The following DHRSX variants were observed in gnomAD, a reference collection of about 807,000 sequenced individuals.
DHRSX encodes dehydrogenase/reductase X-linked, also known as polyprenol dehydrogenase.
DHRSX carries 31 observed loss-of-function variants against 34.0 expected under a neutral mutation model. The ratio of observed to expected loss-of-function variants is 0.91; its 90% CI spans 0.69 to 1.23. DHRSX has a LOEUF of 1.23. Ranked by LOEUF, DHRSX falls within the 50% of genes most tolerant of loss-of-function variation. DHRSX has a pLI of 0.00. For synonymous variants in DHRSX, 201 were observed against 183.8 expected (o/e 1.09, Z -0.76); for missense variants, 414 against 428.1 (o/e 0.97, Z 0.29).
chrX:2,446,907 G>T (rs2044145398), intron 1 of DHRSX, among the ~76,000 whole-genome samples: 1 of 151,928 alleles, frequency 6.6e-6, no homozygotes, highest in Non-Finnish European at 1.5e-5. Context: ...TGTTAGCTAT[G>T]TATGTGGCTG....
chrX:2,427,376 GAT>G (rs776395781), intron 1 of DHRSX, among the ~76,000 whole-genome samples: 155 of 152,304 alleles, frequency 1.0e-3, no homozygotes, highest in African/African-American at 3.4e-3. Context: ...GCCAATCTGT[GAT>G]ATGTTTCACA....
chrX:2,251,894 G>A (rs1470611247), intron 5 of DHRSX, among the ~76,000 whole-genome samples: 2 of 151,988 alleles, frequency 1.3e-5, no homozygotes, highest in East Asian at 3.9e-4. Flanking sequence ...CTTTTTGGGG[G>A]TTGGGGTGGG....
At position 2,239,346 on chromosome X, in the gene DHRSX, T is replaced by C. The variant is rs141401008; in HGVS notation, c.804+3677A>G. 5.1e-3 allele frequency among the ~76,000 whole-genome samples: 779 copies of C among 151,372 alleles called. 5 individuals are homozygous for C. Among genetic ancestry groups the C allele is most frequent in the African/African-American group, 0.018 (748 of 41,224 alleles). On this transcript the variant is annotated intron_variant, in intron 6 of 6. Transcript: ENST00000334651. Reference sequence around the variant, plus strand: ...AGGATTTCAAGGTTGCAGCCAGTGATTGTGTCATAATTCCAGCGCACAAGA... The same window carrying C: ...AGGATTTCAAGGTTGCAGCCAGTGACTGTGTCATAATTCCAGCGCACAAGA...
chrX:2,499,095 C>T (rs2045350212), intron 1 of DHRSX, among the ~76,000 whole-genome samples: 1 of 152,108 alleles, frequency 6.6e-6, no homozygotes, highest in Admixed American at 6.6e-5. Context: ...TCCAGGCACG[C>T]TTCTCAAAGG....
rs368345077 is a variant in DHRSX, at chrX:2,330,558, G to A, written c.287-38955C>T. Reference sequence around the variant, plus strand: ...GAAAAGAAAAGGGAAGGGAAGGGAGGGGAGGGGAGGGAAGGGGAGGGGAAG... The same window carrying A: ...GAAAAGAAAAGGGAAGGGAAGGGAGAGGAGGGGAGGGAAGGGGAGGGGAAG... On this transcript the variant is annotated intron_variant, in intron 3 of 6. Transcript: ENST00000334651. Among the ~76,000 whole-genome samples, 47 of 146,876 alleles carry A rather than the reference G, an allele frequency of 3.2e-4. 1 individual carries two copies. The East Asian group carries it at 9.2e-3, about 29-fold the overall frequency.
intron 4 of DHRSX, among the ~76,000 whole-genome samples, chrX:2,289,122 A>ATT (rs752457468): frequency 1.4e-3 from 201 of 142,938 alleles, no homozygotes; most frequent in African/African-American, 4.6e-3. Context: ...GACATTCCTA[A>ATT]TTTTTTTTTT....
chrX:2,458,838 TA>T (rs1008450157), intron 1 of DHRSX, among the ~76,000 whole-genome samples: 2 of 150,070 alleles, frequency 1.3e-5, no homozygotes, highest in Non-Finnish European at 3.0e-5. Context: ...TCTCTAAAAA[TA>T]AAAAAAAATG....
At chrX:2,243,781 GCTCC>G (rs2016200768) in intron 5 of DHRSX, among the ~76,000 whole-genome samples, 3 of 68,592 alleles carry the variant, frequency 4.4e-5, no homozygotes, top group African/African-American at 1.2e-4. Context: ...GAGCCACTAT[GCTCC>G]CTGTTTTTTT....
intron 1 of DHRSX, among the ~76,000 whole-genome samples, chrX:2,457,692 G>T (rs2044324039): frequency 6.7e-6 from 1 of 149,138 alleles, no homozygotes; most frequent in Non-Finnish European, 1.5e-5. Context: ...TTAAAGGACT[G>T]CCGCCCTGTA....
chrX:2,483,223 T>C (rs995609720), intron 1 of DHRSX, among the ~76,000 whole-genome samples: 4 of 152,004 alleles, frequency 2.6e-5, no homozygotes, highest in Non-Finnish European at 4.4e-5. Context: ...GTAGCTGTGA[T>C]CACACATGCG....
chrX:2,449,189 CAAA>C (rs57586340), intron 1 of DHRSX, among the ~76,000 whole-genome samples: 155 of 143,734 alleles, frequency 1.1e-3, no homozygotes, highest in African/African-American at 1.6e-3. Flanking sequence ...AACTCTGTCT[CAAA>C]AAAAAAAAAA....
intron 1 of DHRSX, among the ~76,000 whole-genome samples, chrX:2,453,261 C>T (rs1458111300): frequency 6.6e-6 from 1 of 151,878 alleles, no homozygotes; most frequent in East Asian, 1.9e-4. Flanking sequence ...TGGCCAAAAG[C>T]GGTGGCTCAT....
intron 3 of DHRSX, among the ~76,000 whole-genome samples, chrX:2,310,308 G>A (rs1300006579): frequency 1.3e-5 from 2 of 152,018 alleles, no homozygotes; most frequent in East Asian, 1.9e-4. Context: ...CCGAACTGCC[G>A]GAATTTGCCA....
chrX:2,461,535 A>G (rs1170710763), intron 1 of DHRSX, among the ~76,000 whole-genome samples: 4 of 152,144 alleles, frequency 2.6e-5, no homozygotes, highest in South Asian at 2.1e-4. Flanking sequence ...CTGCTTAATC[A>G]TGAACTTATT....
chrX:2,406,504 GA>G (rs2043557571), intron 3 of DHRSX, among the ~76,000 whole-genome samples: 1 of 150,248 alleles, frequency 6.7e-6, no homozygotes. Context: ...GCAAAGGTGT[GA>G]TCTCAGCTCA....
intron 3 of DHRSX, among the ~76,000 whole-genome samples, chrX:2,401,482 C>T (rs950178143): frequency 1.3e-5 from 2 of 152,116 alleles, no homozygotes; most frequent in Non-Finnish European, 2.9e-5. Flanking sequence ...ATGAGGACAC[C>T]GTGCACCTTC....
At chrX:2,328,983 C>T (rs989005713) in intron 3 of DHRSX, among the ~76,000 whole-genome samples, 3 of 152,190 alleles carry the variant, frequency 2.0e-5, no homozygotes, top group African/African-American at 2.4e-5. Context: ...GAGTTCTACT[C>T]GGGGATGGTA....
chrX:2,407,215 G>T (rs1356563325), intron 3 of DHRSX, among the ~76,000 whole-genome samples: 3 of 152,170 alleles, frequency 2.0e-5, no homozygotes, highest in South Asian at 4.1e-4. Context: ...TGCTGGGTCC[G>T]ACTCGCAGAC....
chrX:2,225,164 ACTCACACACGCACACAG>A (rs994483310), intron 6 of DHRSX, among the ~76,000 whole-genome samples: 14 of 123,800 alleles, frequency 1.1e-4, no homozygotes, highest in Admixed American at 7.2e-4. Context: ...ATTCACATGC[ACTCACACACGCACACAG>A]CTCACACATG....
Sources: allele counts gnomAD v4.1 joint callset (sites outside exome capture counted in the v4.1 genomes callset), GRCh38; gene constraint gnomAD v4.1.1; transcripts MANE v1.5; gene names NCBI Gene and HGNC (gene_info 2026-07-23, HGNC 2026-07-21).